The following SERTAD2 variants were observed in gnomAD, a reference collection of about 807,000 sequenced individuals.
SERTAD2 encodes the protein SERTA domain-containing protein 2.
SERTAD2 carries 2 observed loss-of-function variants against 15.4 expected under a neutral mutation model. The observed-to-expected ratio is 0.13, with a 90% CI of 0.05 to 0.41. The LOEUF is 0.41. SERTAD2 is among the 10% of genes least tolerant of loss of function. The pLI, the probability that SERTAD2 is intolerant of heterozygous loss-of-function variation, is 0.99. For missense variants in SERTAD2, 333 were observed against 409.7 expected, an observed-to-expected ratio of 0.81 and a Z score of 1.62; for synonymous variants, 180 against 178.0, an observed-to-expected ratio of 1.01 and a Z score of -0.09.
intron 1 of SERTAD2, among the ~76,000 whole-genome samples, chr2:64,650,911 C>A (rs936909211): frequency 1.2e-4 from 19 of 152,210 alleles, no homozygotes; most frequent in African/African-American, 4.1e-4. Flanking sequence ...CTTCAGTACA[C>A]AACTGATCTT....
At chr2:64,643,710 T>C (rs1674827759) in intron 1 of SERTAD2, among the ~76,000 whole-genome samples, 1 of 151,918 alleles carries the variant, frequency 6.6e-6, no homozygotes, top group Non-Finnish European at 1.5e-5. Flanking sequence ...CTACTAAAAA[T>C]ACAAAAAATT....
intron 1 of SERTAD2, among the ~76,000 whole-genome samples, chr2:64,647,236 G>GTTA (rs952574198): frequency 6.6e-6 from 1 of 152,154 alleles, no homozygotes; most frequent in African/African-American, 2.4e-5. Context: ...TAGATGAAAT[G>GTTA]TTATAATGAG....
rs1216925363 is a variant in SERTAD2, at chr2:64,631,917, T to G, written c.*4010A>C. 6.6e-6 allele frequency: 1 copy of G among 152,668 alleles called. No individual in the cohort carries two copies. The highest frequency in any genetic ancestry group is 1.9e-4 in the East Asian group (1 of 5,206). The allele number at this position is 152,668 out of a possible 1,614,324, so 9.5% of individuals were successfully genotyped here. A position where few individuals can be genotyped will look rare whatever the true frequency, so the allele number is the denominator to read the frequency against. On this transcript the variant is annotated 3_prime_UTR_variant, in exon 2 of 2. Coordinates refer to ENST00000313349, the MANE Select transcript of SERTAD2 (RefSeq NM_014755.3). ...CGGTCATGCGCACATATGGCCTGCATTTCTCTTCCAAAACTTGTTATCCCC... is the reference window on the plus strand; with the variant it reads ...CGGTCATGCGCACATATGGCCTGCAGTTCTCTTCCAAAACTTGTTATCCCC...
intron 1 of SERTAD2, among the ~76,000 whole-genome samples, chr2:64,638,018 C>T (rs1355734077): frequency 6.6e-6 from 1 of 152,194 alleles, no homozygotes. Context: ...ACTTTCTAAC[C>T]ATTTAACAAG....
In SERTAD2 at chr2:64,635,806, T is replaced by C; in HGVS notation, c.*121A>G. 1.3e-6 allele frequency: 1 copy of C among 747,152 alleles called. No individual in the cohort carries two copies. The highest frequency in any genetic ancestry group is 2.2e-6 in the Non-Finnish European group (1 of 450,584). 46.3% of individuals were successfully genotyped at this position (747,152 alleles called of 1,614,324 possible). On this transcript the variant is annotated 3_prime_UTR_variant, in exon 2 of 2. Transcript: ENST00000313349. ...CAAAGCAAAAACTAGTGTGATCCTG[T>C]TGTAAAATTTTCTTTTTCTCTGAAA...
intron 1 of SERTAD2, among the ~76,000 whole-genome samples, chr2:64,641,015 A>G (rs931244417): frequency 6.6e-6 from 1 of 152,238 alleles, no homozygotes; most frequent in Admixed American, 6.5e-5. Context: ...CTGGTTTTCT[A>G]AACATTAATT....
rs184287532 is a variant in SERTAD2 at position 64,643,648 on chromosome 2, C to A, written c.-4-6773G>T. Among the ~76,000 whole-genome samples, 76 of 152,330 alleles carry A rather than the reference C, an allele frequency of 5.0e-4. 1 individual carries two copies. Among genetic ancestry groups the A allele is most frequent in the African/African-American group, 1.8e-3 (73 of 41,576 alleles). ...CTTTGGAAGGCCGAGGCGGGTGGAT[C>A]ACGAGGTCAGGAGATCGAGACCACC... On this transcript the variant is annotated intron_variant, in intron 1 of 1. Transcript: ENST00000313349.
chr2:64,632,363 TA>T lies in SERTAD2; in HGVS notation c.*3563del, dbSNP rs1674552476. The T allele has an allele frequency of 6.6e-6, 1 of 152,488 alleles. No individual in the cohort carries two copies. Among genetic ancestry groups the T allele is most frequent in the African/African-American group, 2.4e-5 (1 of 41,416 alleles). The allele number at this position is 152,488 out of a possible 1,614,324, so 9.4% of individuals were successfully genotyped here. On this transcript the variant is annotated 3_prime_UTR_variant, in exon 2 of 2. Transcript: ENST00000313349. ...GCTTTAAAAACGATCTGTAAGTTGA[TA>T]CTTTGGCTCTTTGGAGCTTATTTCA... is the stretch of plus-strand genomic sequence containing the variant.
intron 1 of SERTAD2, among the ~76,000 whole-genome samples, chr2:64,647,370 A>G (rs947610242): frequency 1.3e-5 from 2 of 152,224 alleles, no homozygotes; most frequent in Admixed American, 6.5e-5. Context: ...CTAAGGCCTC[A>G]TTAACATTAG....
At chr2:64,639,949 C>A (rs1674736025) in intron 1 of SERTAD2, among the ~76,000 whole-genome samples, 1 of 151,862 alleles carries the variant, frequency 6.6e-6, no homozygotes, top group African/African-American at 2.4e-5. Flanking sequence ...TAAGCAAAAC[C>A]TGTAAGCAGG....
chr2:64,645,281 G>C (rs1421197633), intron 1 of SERTAD2, among the ~76,000 whole-genome samples: 1 of 152,300 alleles, frequency 6.6e-6, no homozygotes, highest in East Asian at 1.9e-4. Flanking sequence ...CCGCGCGGGG[G>C]CCCGCAGGGC....
rs1674632847 is a variant in SERTAD2 at position 64,635,286 on chromosome 2, CA to C, written c.*640del. On this transcript the variant is annotated 3_prime_UTR_variant, in exon 2 of 2. Transcript: ENST00000313349. ...CTGAAGTTTGCAGGAACTATGTGAG[CA>C]AATCCTATCAAAATAGCTATCTCAT... is the stretch of plus-strand genomic sequence containing the variant. 1 of 152,616 alleles carries C rather than the reference CA, an allele frequency of 6.6e-6. No homozygotes were observed. Among genetic ancestry groups the C allele is most frequent in the Non-Finnish European group, 1.5e-5 (1 of 68,036 alleles). The allele number at this position is 152,616 out of a possible 1,614,324, so 9.5% of individuals were successfully genotyped here. A position where few individuals can be genotyped will look rare whatever the true frequency, so the allele number is the denominator to read the frequency against.
In SERTAD2 at chr2:64,636,192, C is replaced by T. The variant is rs778167594; in HGVS notation, c.680G>A (p.Gly227Glu). The change falls in exon 2 of 2, where the codon GGG becomes GAG. Residue 227 changes from glycine to glutamate, a missense_variant. Around this residue, in one of 2 missense-constraint regions of SERTAD2, gnomAD observed 332 missense variants for 392.9 expected, o/e 0.84. Transcript: ENST00000313349. Reference protein sequence around the residue: ...DDSKLMDSLPGNFEITTSTGF... With the variant: ...DDSKLMDSLPENFEITTSTGF... Reference sequence around the variant, plus strand: ...CGTGGACGTCGTTATTTCAAAATTCCCAGGCAGAGAGTCCATCAGTTTTGA... The same window carrying T: ...CGTGGACGTCGTTATTTCAAAATTCTCAGGCAGAGAGTCCATCAGTTTTGA... The T allele has an allele frequency of 6.2e-7, 1 of 1,614,126 alleles. No individual in the cohort carries two copies. Among genetic ancestry groups the T allele is most frequent in the South Asian group, 1.1e-5 (1 of 91,072 alleles).
chr2:64,635,793 T>C lies in SERTAD2; in HGVS notation c.*134A>G. ...CTCCAACTCTGCTCAAAGCAAAAAC[T>C]AGTGTGATCCTGTTGTAAAATTTTC... On this transcript the variant is annotated 3_prime_UTR_variant, in exon 2 of 2. Transcript: ENST00000313349. 1.5e-6 allele frequency: 1 copy of C among 687,294 alleles called. No homozygotes were observed. Among genetic ancestry groups the C allele is most frequent in the Admixed American group, 2.9e-5 (1 of 34,658 alleles). 42.6% of individuals were successfully genotyped at this position (687,294 alleles called of 1,614,324 possible).
At chr2:64,646,871 T>C (rs1674912187) in intron 1 of SERTAD2, among the ~76,000 whole-genome samples, 1 of 152,144 alleles carries the variant, frequency 6.6e-6, no homozygotes, top group Admixed American at 6.5e-5. Context: ...AAACCAACAG[T>C]TCAGAATTTC....
At chr2:64,649,608 AT>A (rs1674970585) in intron 1 of SERTAD2, among the ~76,000 whole-genome samples, 1 of 152,254 alleles carries the variant, frequency 6.6e-6, no homozygotes, top group South Asian at 2.1e-4. Flanking sequence ...CTTAGAATTA[AT>A]TAGTAACTCT....
intron 1 of SERTAD2, among the ~76,000 whole-genome samples, chr2:64,640,652 G>A (rs912861628): frequency 6.6e-6 from 1 of 152,024 alleles, no homozygotes; most frequent in South Asian, 2.1e-4. Context: ...GCGGAGGGGG[G>A]GCCTGGAGTT....
At position 64,636,011 on chromosome 2, in the gene SERTAD2, G is replaced by A. The variant is rs762398183; in HGVS notation, c.861C>T (p.Ser287=). The A allele has an allele frequency of 1.6e-5, 26 of 1,614,032 alleles. No individual in the cohort carries two copies. The highest frequency in any genetic ancestry group is 3.3e-5 in the Admixed American group (2 of 59,996). The change falls in exon 2 of 2, where the codon AGC becomes AGT. Residue 287 remains serine, a synonymous_variant. Coordinates refer to ENST00000313349, the MANE Select transcript of SERTAD2 (RefSeq NM_014755.3). The stretch of plus-strand genomic sequence containing the variant: ...GCTGACTTGGGGTGACAGGCTGACT[G>A]CTGTAAGGAGCCAGAGTTTTGAGGA... The part of the protein sequence containing the change: ...DDLLKTLAPY[S]SQPVTPSQPF...
intron 1 of SERTAD2, among the ~76,000 whole-genome samples, chr2:64,643,288 C>T (rs1674815222): frequency 6.6e-6 from 1 of 152,252 alleles, no homozygotes; most frequent in Non-Finnish European, 1.5e-5. Context: ...GAGCAGCAGG[C>T]TTCACAATTA....
Sources: allele counts gnomAD v4.1 joint callset (sites outside exome capture counted in the v4.1 genomes callset), GRCh38; gene constraint gnomAD v4.1.1; regional missense constraint gnomAD v4.1.1; transcripts MANE v1.5; gene names NCBI Gene and HGNC (gene_info 2026-07-23, HGNC 2026-07-21).